The following CUL1 variants were observed in gnomAD, a reference collection of about 807,000 sequenced individuals.
CUL1 encodes cullin-1.
CUL1 carries 24 observed loss-of-function variants against 118.0 expected under a neutral mutation model. That is an observed-to-expected ratio of 0.20 (90% CI 0.15 to 0.29). The LOEUF is 0.29. Among genes scored for constraint, CUL1 ranks in the 10% least tolerant of loss-of-function variants. The pLI is 1.00. For synonymous variants in CUL1, 332 were observed against 340.4 expected, an observed-to-expected ratio of 0.98 and a Z score of 0.27; for missense variants, 361 against 933.8, an observed-to-expected ratio of 0.39 and a Z score of 7.99.
intron 2 of CUL1, among the ~76,000 whole-genome samples, chr7:148,750,310 T>TA (rs1213927111): frequency 2.0e-5 from 3 of 150,298 alleles, no homozygotes; most frequent in Non-Finnish European, 4.4e-5. Flanking sequence ...TTTTTTTTTT[T>TA]AAATTATACT....
chr7:148,756,482 T>TG (rs2129460429), intron 3 of CUL1, among the ~76,000 whole-genome samples: 1 of 152,172 alleles, frequency 6.6e-6, no homozygotes, highest in African/African-American at 2.4e-5. Context: ...ACTACAGGCA[T>TG]GTGCCACCAC....
intron 1 of CUL1, among the ~76,000 whole-genome samples, chr7:148,721,022 G>A (rs544263629): frequency 6.6e-6 from 1 of 152,272 alleles, no homozygotes; most frequent in Admixed American, 6.5e-5. Flanking sequence ...TTCTTTTCAG[G>A]CATTCCATTC....
intron 1 of CUL1, among the ~76,000 whole-genome samples, chr7:148,715,325 A>G (rs1282738134): frequency 6.6e-6 from 1 of 152,216 alleles, no homozygotes; most frequent in East Asian, 1.9e-4. Context: ...TTCCATTTCT[A>G]CTTGGCTGCA....
chr7:148,750,457 G>A lies in CUL1; in HGVS notation c.141-3519G>A, dbSNP rs193246309. On this transcript the variant is annotated intron_variant, in intron 2 of 21. Transcript: ENST00000325222. ...GATGCTGTCCCTTCCCTAGCCCCCC[G>A]CCCCACGACAGGCCCTGGTGTGTGA... 5.9e-5 allele frequency among the ~76,000 whole-genome samples: 9 copies of A among 151,852 alleles called. No individual in the cohort carries two copies. In the East Asian group the frequency reaches 1.5e-3, roughly 26 times the overall value.
rs565777168 is a variant in CUL1 at position 148,742,347 on chromosome 7, C to T, written c.141-11629C>T. Among the ~76,000 whole-genome samples, 113 of 152,292 alleles carry T rather than the reference C, an allele frequency of 7.4e-4. 1 individual carries two copies. The highest frequency in any genetic ancestry group is 1.3e-3 in the Non-Finnish European group (90 of 68,020). On this transcript the variant is annotated intron_variant, in intron 2 of 21. Transcript: ENST00000325222. ...AGAAGCAAAGTCATGTCTTACATGG[C>T]AGTAGGCAAGAGAGCTTATGCAGGG...
At chr7:148,744,353 T>A (rs928885145) in intron 2 of CUL1, among the ~76,000 whole-genome samples, 5 of 152,156 alleles carry the variant, frequency 3.3e-5, no homozygotes, top group Admixed American at 2.0e-4. Context: ...TTATTTGAAA[T>A]TTTTTTATAG....
At chr7:148,717,006 TC>T (rs1280879368) in intron 1 of CUL1, among the ~76,000 whole-genome samples, 1 of 152,222 alleles carries the variant, frequency 6.6e-6, no homozygotes. Flanking sequence ...GAACATTTCT[TC>T]AGCAATAGCT....
At chr7:148,726,532 G>A (rs243519) in intron 1 of CUL1, among the ~76,000 whole-genome samples, 67,290 of 151,970 alleles carry the variant, frequency 0.44, 15,745 homozygotes, top group African/African-American at 0.6. Context: ...CAAATAGGCA[G>A]TTGTTGGTGG....
chr7:148,762,846 G>C (rs1367174167), intron 7 of CUL1, among the ~76,000 whole-genome samples: 1 of 152,188 alleles, frequency 6.6e-6, no homozygotes, highest in Non-Finnish European at 1.5e-5. Flanking sequence ...AGGTAAATCT[G>C]TTTTTAAAAC....
At chr7:148,790,187 A>ATTTTT in intron 15 of CUL1, 123 bp from the exon 16 acceptor site, 1 of 1,009,070 alleles carries the variant, frequency 9.9e-7, no homozygotes. Flanking sequence ...TGGCGTTTGT[A>ATTTTT]TTTTACTTTT....
At chr7:148,745,400 A>G (rs1410522619) in intron 2 of CUL1, among the ~76,000 whole-genome samples, 2 of 152,080 alleles carry the variant, frequency 1.3e-5, no homozygotes, top group Non-Finnish European at 1.5e-5. Flanking sequence ...TTTTACATCA[A>G]CCATGTTGGG....
intron 16 of CUL1, among the ~76,000 whole-genome samples, chr7:148,791,125 A>C (rs1270104234): frequency 1.3e-5 from 2 of 152,196 alleles, no homozygotes; most frequent in Non-Finnish European, 2.9e-5. Context: ...GTTTGAGACA[A>C]GCCTGGACAA....
In CUL1 at chr7:148,792,740, G is replaced by A; in HGVS notation, c.1821G>A (p.Gln607=). The change falls in exon 17 of 22, where the codon CAG becomes CAA. Residue 607 remains glutamine, a synonymous_variant. Transcript: ENST00000325222. ...GGGCCGCAAAGGCGTCGACATTCCA[G>A]ATGGCTATCCTGCTTCAGTACAACA... ...NRYTLQASTF[Q]MAILLQYNTE... is the part of the protein sequence containing the mutation. 1.9e-6 allele frequency: 3 copies of A among 1,611,644 alleles called. No individual in the cohort carries two copies. Among genetic ancestry groups the A allele is most frequent in the South Asian group, 2.2e-5 (2 of 90,228 alleles).
intron 2 of CUL1, among the ~76,000 whole-genome samples, chr7:148,740,827 T>G (rs1386984137): frequency 6.6e-6 from 1 of 152,190 alleles, no homozygotes; most frequent in Non-Finnish European, 1.5e-5. Flanking sequence ...GGAAAGGCCA[T>G]GTGAGGACAC....
intron 1 of CUL1, among the ~76,000 whole-genome samples, chr7:148,728,414 A>G (rs1026669266): frequency 7.2e-5 from 11 of 152,194 alleles, no homozygotes; most frequent in Admixed American, 5.9e-4. Context: ...TTAGGGAAAA[A>G]TTAAGTGATG....
At chr7:148,768,406 A>G (rs1584802339) in intron 9 of CUL1, among the ~76,000 whole-genome samples, 1 of 115,590 alleles carries the variant, frequency 8.7e-6, no homozygotes, top group African/African-American at 4.0e-5. Flanking sequence ...TTTTTTTGAG[A>G]AGGCGTCTTG....
At chr7:148,742,763 A>G (rs1160365887) in intron 2 of CUL1, among the ~76,000 whole-genome samples, 1 of 151,688 alleles carries the variant, frequency 6.6e-6, no homozygotes, top group Non-Finnish European at 1.5e-5. Flanking sequence ...CACCACGCCC[A>G]GCTAATTTTT....
chr7:148,777,816 A>T (rs944764099), intron 9 of CUL1, among the ~76,000 whole-genome samples: 9 of 151,976 alleles, frequency 5.9e-5, no homozygotes, highest in Non-Finnish European at 1.5e-5. Flanking sequence ...CTGTAATCCC[A>T]GCATTTTGGG....
chr7:148,717,657 G>A (rs901351294), intron 1 of CUL1, among the ~76,000 whole-genome samples: 4 of 151,886 alleles, frequency 2.6e-5, no homozygotes, highest in Non-Finnish European at 5.9e-5. Flanking sequence ...TGACCCAGCC[G>A]CCACCTCTCA....
Sources: allele counts gnomAD v4.1 joint callset (sites outside exome capture counted in the v4.1 genomes callset), GRCh38; gene constraint gnomAD v4.1.1; transcripts MANE v1.5; gene names NCBI Gene and HGNC (gene_info 2026-07-23, HGNC 2026-07-21).